The following CSNK1A1 variants were observed in gnomAD, a reference collection of about 807,000 sequenced individuals.
The protein encoded by CSNK1A1 is casein kinase I isoform alpha.
CSNK1A1 carries 7 observed loss-of-function variants against 46.1 expected under a neutral mutation model. That is an observed-to-expected ratio of 0.15 (90% confidence interval 0.09 to 0.29). CSNK1A1 has a LOEUF of 0.29. Among genes scored for constraint, CSNK1A1 ranks in the 10% least tolerant of loss-of-function variants. The pLI is 1.00. For synonymous variants in CSNK1A1, 137 were observed against 141.5 expected, an observed-to-expected ratio of 0.97 and a Z score of 0.23; for missense variants, 96 against 417.1, an observed-to-expected ratio of 0.23 and a Z score of 6.71.
chr5:149,545,491 C>T, intron 2 of CSNK1A1: 1 of 591,862 alleles, frequency 1.7e-6, no homozygotes, highest in Non-Finnish European at 3.1e-6. Context: ...CTTTGGCCCA[C>T]ACAGTCTGAG....
chr5:149,538,753 T>C (rs1015677739), intron 2 of CSNK1A1, among the ~76,000 whole-genome samples: 1 of 151,984 alleles, frequency 6.6e-6, no homozygotes, highest in Non-Finnish European at 1.5e-5. Context: ...AGAAACCCCG[T>C]CTCTACTAAA....
At chr5:149,522,780 C>T (rs1320227485) in intron 3 of CSNK1A1, among the ~76,000 whole-genome samples, 1 of 152,136 alleles carries the variant, frequency 6.6e-6, no homozygotes, top group African/African-American at 2.4e-5. Context: ...TACCCGTGTA[C>T]CCAACAGAGA....
intron 8 of CSNK1A1, among the ~76,000 whole-genome samples, chr5:149,505,903 C>A (rs1469780516): frequency 1.3e-5 from 2 of 151,922 alleles, no homozygotes; most frequent in East Asian, 1.9e-4. Context: ...AGACACTTTT[C>A]TGGGGTTAAA....
intron 2 of CSNK1A1, among the ~76,000 whole-genome samples, chr5:149,537,635 C>T (rs1762100089): frequency 1.3e-5 from 2 of 151,426 alleles, no homozygotes; most frequent in South Asian, 4.2e-4. Flanking sequence ...GTCCCCACTC[C>T]AGAATTGGTC....
At chr5:149,534,767 A>C (rs1038966970) in intron 2 of CSNK1A1, among the ~76,000 whole-genome samples, 1 of 150,988 alleles carries the variant, frequency 6.6e-6, no homozygotes, top group Non-Finnish European at 1.5e-5. Flanking sequence ...CGGTCTCTCT[A>C]TGAAAAATAA....
intron 4 of CSNK1A1, 109 bp downstream of exon 4, chr5:149,520,181 A>C (rs1761526021): frequency 1.5e-6 from 1 of 653,914 alleles, no homozygotes; most frequent in Non-Finnish European, 2.6e-6. Context: ...GCAACTGTCA[A>C]CAGCAAATTC....
intron 2 of CSNK1A1, among the ~76,000 whole-genome samples, chr5:149,530,822 T>TG (rs1761870700): frequency 6.6e-6 from 1 of 151,568 alleles, no homozygotes; most frequent in Non-Finnish European, 1.5e-5. Context: ...AAAAATTAGC[T>TG]GGGCATGGTG....
At chr5:149,498,220 T>C (rs1329821629) in intron 9 of CSNK1A1, 1 of 985,022 alleles carries the variant, frequency 1.0e-6, no homozygotes, top group African/African-American at 1.7e-5. Context: ...CTTATGCATA[T>C]ATGCCCCTTT....
At chr5:149,512,084 AAAC>A (rs930684456) in intron 5 of CSNK1A1, among the ~76,000 whole-genome samples, 34 of 152,262 alleles carry the variant, frequency 2.2e-4, no homozygotes, top group African/African-American at 6.5e-4. Flanking sequence ...AAAATCTGAC[AAAC>A]AACTGTCTTA....
chr5:149,497,134 AT>A lies in CSNK1A1; in HGVS notation c.1007-275del. 4 of 1,184,884 alleles carry A rather than the reference AT, an allele frequency of 3.4e-6. No individual in the cohort carries two copies. In the South Asian group the frequency reaches 1.2e-4, roughly 35 times the overall value. The allele number at this position is 1,184,884 out of a possible 1,614,324, so 73.4% of individuals were successfully genotyped here. A position where few individuals can be genotyped will look rare whatever the true frequency, so the allele number is the denominator to read the frequency against. On this transcript the variant is annotated intron_variant, in intron 9 of 9. Coordinates refer to ENST00000377843, the MANE Select transcript of CSNK1A1 (RefSeq NM_001892.6). ...ACTAAAATAATTATTAGTAATTCAA[AT>A]GAGCATGTTTCTGCATTTTTACATA...
At chr5:149,542,650 A>ATGTG (rs1762320569) in intron 2 of CSNK1A1, among the ~76,000 whole-genome samples, 1 of 6,128 alleles carries the variant, frequency 1.6e-4, no homozygotes, top group African/African-American at 1.2e-3. Context: ...GTATATATAT[A>ATGTG]TATATATATA....
At chr5:149,502,143 A>C in intron 9 of CSNK1A1, 1 of 968,216 alleles carries the variant, frequency 1.0e-6, no homozygotes, top group Non-Finnish European at 1.2e-6. Flanking sequence ...TAAGTTATTA[A>C]AACAACACCA....
intron 2 of CSNK1A1, among the ~76,000 whole-genome samples, chr5:149,527,273 G>A (rs1175267071): frequency 1.3e-5 from 2 of 151,934 alleles, no homozygotes; most frequent in African/African-American, 2.4e-5. Context: ...GATTATAGGC[G>A]CCTGCCACCA....
chr5:149,545,768 T>C lies in CSNK1A1; in HGVS notation c.230+4307A>G, dbSNP rs573248526. On this transcript the variant is annotated intron_variant, in intron 2 of 9. Coordinates refer to ENST00000377843, the MANE Select transcript of CSNK1A1 (RefSeq NM_001892.6). The stretch of plus-strand genomic sequence containing the variant: ...ATTTCTGTGCCATTTTCAGGACTGG[T>C]TGTGTGTGGTGTGGTTCGTGGACTT... 141 of 623,360 alleles carry C rather than the reference T, an allele frequency of 2.3e-4. 1 individual carries two copies. Among genetic ancestry groups the C allele is most frequent in the African/African-American group, 1.7e-4 (9 of 54,314 alleles). 38.6% of individuals were successfully genotyped at this position (623,360 alleles called of 1,614,324 possible).
At chr5:149,512,794 AAAAG>A (rs1761270591) in intron 5 of CSNK1A1, among the ~76,000 whole-genome samples, 2 of 152,360 alleles carry the variant, frequency 1.3e-5, no homozygotes, top group Admixed American at 1.3e-4. Context: ...TTCAGCTGCA[AAAAG>A]AAACGTCAAC....
intron 2 of CSNK1A1, among the ~76,000 whole-genome samples, chr5:149,536,924 G>C (rs895143141): frequency 6.6e-6 from 1 of 152,192 alleles, no homozygotes; most frequent in Non-Finnish European, 1.5e-5. Context: ...CTTGCTCTGT[G>C]ACTCTGTGTA....
intron 9 of CSNK1A1, chr5:149,498,187 C>G (rs915560599): frequency 1.0e-6 from 1 of 984,794 alleles, no homozygotes; most frequent in Non-Finnish European, 1.2e-6. Context: ...GTGGGAGAAA[C>G]AAAATAATTC....
At chr5:149,508,759 T>C (rs910018449) in intron 7 of CSNK1A1, among the ~76,000 whole-genome samples, 2 of 152,240 alleles carry the variant, frequency 1.3e-5, no homozygotes, top group African/African-American at 4.8e-5. Context: ...GTAAGGAGAA[T>C]ATTTCTTACT....
chr5:149,531,691 T>G (rs1167960671), intron 2 of CSNK1A1, among the ~76,000 whole-genome samples: 1 of 64,992 alleles, frequency 1.5e-5, no homozygotes. Context: ...CTACTAAAAA[T>G]ACAAAAAAAA....
Sources: allele counts gnomAD v4.1 joint callset (sites outside exome capture counted in the v4.1 genomes callset), GRCh38; gene constraint gnomAD v4.1.1; transcripts MANE v1.5; gene names NCBI Gene and HGNC (gene_info 2026-07-23, HGNC 2026-07-21).